The following TRRAP variants were observed in gnomAD, a reference collection of about 807,000 sequenced individuals.
TRRAP encodes the protein transformation/transcription domain associated protein.
A neutral mutation model predicts 438.8 loss-of-function variants in TRRAP; 41 were observed. The ratio of observed to expected loss-of-function variants is 0.09; its 90% CI spans 0.07 to 0.12. The LOEUF is 0.12. Among genes scored for constraint, TRRAP ranks in the 10% least tolerant of loss-of-function variants. TRRAP has a pLI of 1.00. For synonymous variants in TRRAP, 1,994 were observed against 1,962.9 expected, an observed-to-expected ratio of 1.02 and a Z score of -0.42; for missense variants, 3,122 against 5,055.1, an observed-to-expected ratio of 0.62 and a Z score of 11.60.
intron 30 of TRRAP, among the ~76,000 whole-genome samples, chr7:98,939,239 CA>C (rs1562950911): frequency 6.6e-6 from 1 of 152,090 alleles, no homozygotes; most frequent in African/African-American, 2.4e-5. Flanking sequence ...ACCTTTCCCC[CA>C]ACTATAAACA....
intron 44 of TRRAP, 62 bp downstream of exon 44, chr7:98,958,153 C>T (rs1554420309): frequency 2.8e-6 from 4 of 1,403,530 alleles, no homozygotes; most frequent in East Asian, 2.4e-5. Flanking sequence ...GACTAACACC[C>T]CAGGAGGTTA....
chr7:98,938,405 C>T (rs1463931482), intron 30 of TRRAP, among the ~76,000 whole-genome samples: 2 of 152,188 alleles, frequency 1.3e-5, no homozygotes, highest in East Asian at 3.8e-4. Context: ...AAAGGATGTA[C>T]TGCAGAAAGC....
rs1562964189 is a variant in TRRAP at position 98,967,637 on chromosome 7, T to A, written c.7451T>A (p.Val2484Glu). 5 of 1,614,048 alleles carry A rather than the reference T, an allele frequency of 3.1e-6. No homozygotes were observed. The South Asian group carries it at 5.5e-5, about 18-fold the overall frequency. The change falls in exon 51 of 73, where the codon GTG (valine) becomes GAG (glutamate). Residue 2484 changes from valine (V) to glutamate (E), a missense_variant. Transcript: ENST00000456197. The part of the protein sequence containing the change: ...KRRVYERLLY[V>E]TCSQNWEAMG... ...CGTGTCTACGAGCGCTTGCTCTATG[T>A]GACCTGTTCGCAGAACTGGGAAGCC...
Position 98,920,927 on chromosome 7 carries a change from C to T in TRRAP, c.2623-826C>T, listed in dbSNP as rs1789761518. On this transcript the variant is annotated intron_variant, in intron 20 of 72. Transcript: ENST00000456197. ...CAATCTTGGCTCACCAAAACCTCCG[C>T]CTCCTGGGTTCAAGTGATTCTTCTG... is the stretch of plus-strand genomic sequence containing the variant. 2.0e-5 allele frequency among the ~76,000 whole-genome samples: 3 copies of T among 152,156 alleles called. No individual in the cohort carries two copies. In the South Asian group the frequency reaches 6.2e-4, roughly 32 times the overall value.
intron 22 of TRRAP, among the ~76,000 whole-genome samples, chr7:98,925,813 T>C (rs1369250266): frequency 1.3e-5 from 2 of 152,222 alleles, no homozygotes; most frequent in Non-Finnish European, 2.9e-5. Flanking sequence ...TCAGAAGTGA[T>C]GCTGAGTATA....
chr7:98,937,987 C>G (rs1790630332), intron 30 of TRRAP, among the ~76,000 whole-genome samples, 167 bp downstream of exon 30: 1 of 152,134 alleles, frequency 6.6e-6, no homozygotes, highest in African/African-American at 2.4e-5. Context: ...CCAGACTGGC[C>G]AACATGGTGA....
intron 47 of TRRAP, 29 bp downstream of exon 47, chr7:98,962,456 GGTGGCTCA>G: frequency 6.2e-7 from 1 of 1,613,530 alleles, no homozygotes. Flanking sequence ...TGGTGTTCGT[GGTGGCTCA>G]GTTTGGCCTC....
In TRRAP at chr7:98,970,175, C is replaced by G. The variant is rs1429137330; in HGVS notation, c.7576C>G (p.Pro2526Ala). The change falls in exon 52 of 73, where the codon CCG becomes GCG. Residue 2526 changes from proline (P) to alanine (A), a missense_variant. Physicochemically the swap from Pro to Ala is conservative, Grantham distance 27. Around this residue, in one of 24 missense-constraint regions of TRRAP, gnomAD observed 992 missense variants for 1,281.2 expected, o/e 0.77. Coordinates refer to ENST00000456197, the MANE Select transcript of TRRAP (RefSeq NM_001375524.1). ...CACCAGCTGCCAAGGAGCCATGCTC[C>G]CGTCCATCACCAACGTCATCAACCT... ...IGTSCQGAML[P>A]SITNVINLAD... is the part of the protein sequence containing the mutation. The G allele has an allele frequency of 6.2e-7, 1 of 1,613,960 alleles. No individual in the cohort carries two copies. Among genetic ancestry groups the G allele is most frequent in the South Asian group, 1.1e-5 (1 of 91,088 alleles).
intron 7 of TRRAP, among the ~76,000 whole-genome samples, chr7:98,896,022 TA>T (rs1796181724): frequency 1.3e-5 from 2 of 152,204 alleles, no homozygotes; most frequent in African/African-American, 4.8e-5. Flanking sequence ...CTGTTTCACT[TA>T]AGTACTTTTT....
At chr7:98,990,394 GTC>G (rs2116794820) in intron 63 of TRRAP, 59 bp from the exon 64 acceptor site, 1 of 1,583,044 alleles carries the variant, frequency 6.3e-7, no homozygotes, top group Non-Finnish European at 8.6e-7. Flanking sequence ...TGGGGAAAAA[GTC>G]TCTTGCTTGA....
chr7:98,891,204 T>TATATATATATATATA (rs71799326), intron 4 of TRRAP, among the ~76,000 whole-genome samples: 1 of 70,382 alleles, frequency 1.4e-5, no homozygotes, highest in Non-Finnish European at 2.6e-5. Context: ...TATATATATA[T>TATATATATATATATA]TTTTTTTTTT....
chr7:98,961,516 C>G (rs574966135), intron 46 of TRRAP, 42 bp downstream of exon 46: 1 of 1,602,228 alleles, frequency 6.2e-7, no homozygotes, highest in African/African-American at 1.3e-5. Context: ...TCAAAGTGGA[C>G]GGTGGGCGCG....
chr7:98,966,983 A>G (rs372230287), intron 49 of TRRAP, 58 bp from the exon 50 acceptor site: 2 of 1,558,892 alleles, frequency 1.3e-6, no homozygotes, highest in East Asian at 2.3e-5. Flanking sequence ...AGCTTAAAAA[A>G]TACTAGAGCA....
At position 98,967,706 on chromosome 7, in the gene TRRAP, G is replaced by A. The variant is rs1792217596; in HGVS notation, c.7512+8G>A. 2 of 1,611,440 alleles carry A rather than the reference G, an allele frequency of 1.2e-6. No individual in the cohort carries two copies. Among genetic ancestry groups the A allele is most frequent in the Non-Finnish European group, 1.7e-6 (2 of 1,178,948 alleles). ...ATCAAGCAGTGCATTGAGGTAGGAA[G>A]ACTCGGCTCACATCTGTGGCCGGGG... On this transcript the variant is annotated splice_region_variant and intron_variant, in intron 51 of 72. Coordinates refer to ENST00000456197, the MANE Select transcript of TRRAP (RefSeq NM_001375524.1).
At chr7:98,975,498 C>T (rs1401220437) in intron 53 of TRRAP, among the ~76,000 whole-genome samples, 1 of 152,196 alleles carries the variant, frequency 6.6e-6, no homozygotes, top group Non-Finnish European at 1.5e-5. Flanking sequence ...CAGATCAGAT[C>T]TTCAAAAACA....
At chr7:98,903,307 G>A in intron 11 of TRRAP, 72 bp from the exon 12 acceptor site, 1 of 1,572,624 alleles carries the variant, frequency 6.4e-7, no homozygotes, top group South Asian at 1.2e-5. Context: ...TTTTTAAGAA[G>A]CTGATAACAT....
At position 98,897,821 on chromosome 7, in the gene TRRAP, T is replaced by A. The variant is rs554904188; in HGVS notation, c.588T>A (p.Ile196=). The part of the protein sequence containing the change: ...PPEMVGMITT[I]AVKVNPERED... ...AAATGGTTGGTATGATAACAACGATTGCTGTGAAAGTCAACCCGGAGCGTG... is the reference window on the plus strand; with the variant it reads ...AAATGGTTGGTATGATAACAACGATAGCTGTGAAAGTCAACCCGGAGCGTG... The change falls in exon 8 of 73, where the codon ATT becomes ATA. Residue 196 remains isoleucine, a synonymous_variant. Coordinates refer to ENST00000456197, the MANE Select transcript of TRRAP (RefSeq NM_001375524.1). The A allele has an allele frequency of 6.2e-7, 1 of 1,613,986 alleles. No individual in the cohort carries two copies. Among genetic ancestry groups the A allele is most frequent in the Non-Finnish European group, 8.5e-7 (1 of 1,179,998 alleles).
At chr7:98,966,006 T>G in intron 49 of TRRAP, 111 bp downstream of exon 49, 1 of 1,220,322 alleles carries the variant, frequency 8.2e-7, no homozygotes, top group Non-Finnish European at 1.2e-6. Flanking sequence ...CTGCTGTAAT[T>G]GCACTCACAG....
intron 14 of TRRAP, among the ~76,000 whole-genome samples, chr7:98,909,829 A>C (rs1796982594): frequency 6.6e-6 from 1 of 152,128 alleles, no homozygotes; most frequent in Non-Finnish European, 1.5e-5. Context: ...AGGTGCCCAG[A>C]TGTTACCAGC....
Sources: gnomAD v4.1 joint callset for allele counts (sites outside exome capture counted in the v4.1 genomes callset) on GRCh38, gnomAD v4.1.1 for gene constraint, gnomAD v4.1.1 regional missense constraint, MANE v1.5 for transcripts, NCBI Gene and HGNC (gene_info 2026-07-23, HGNC 2026-07-21) for gene names.